KCNA2: variants seen among roughly 807,000 people sequenced by gnomAD.
KCNA2 encodes the protein potassium voltage-gated channel subfamily A member 2.
A neutral mutation model predicts 33.4 loss-of-function variants in KCNA2; 11 were observed. That is an observed-to-expected ratio of 0.33 (90% CI 0.21 to 0.55). The LOEUF is 0.55. Among genes scored for constraint, KCNA2 ranks in the 20% least tolerant of loss-of-function variants. KCNA2 has a pLI of 0.93. For synonymous variants in KCNA2, 222 were observed against 231.3 expected, an observed-to-expected ratio of 0.96 and a Z score of 0.37; for missense variants, 291 against 621.6, an observed-to-expected ratio of 0.47 and a Z score of 5.66.
intron 1 of KCNA2, among the ~76,000 whole-genome samples, chr1:110,620,083 AGAGAGTGAGT>A (rs1397558043): frequency 3.9e-4 from 55 of 142,110 alleles, no homozygotes; most frequent in African/African-American, 1.5e-3. Context: ...AGAGAGAGAG[AGAGAGTGAGT>A]GAGAGAGAGA....
At position 110,603,877 on chromosome 1, in the gene KCNA2, A is replaced by G. The variant is rs764822052; in HGVS notation, c.906T>C (p.Phe302=). 14 of 1,614,056 alleles carry G rather than the reference A, an allele frequency of 8.7e-6. No homozygotes were observed. Among genetic ancestry groups the G allele is most frequent in the Non-Finnish European group, 1.1e-5 (13 of 1,180,030 alleles). The change falls in exon 3 of 3, where the codon TTT becomes TTC. Residue 302 remains phenylalanine, a synonymous_variant. Coordinates refer to ENST00000316361, the MANE Select transcript of KCNA2 (RefSeq NM_004974.4). This position sits in a 1 kb window ranked among gnomAD's most constrained non-coding sequence, Gnocchi z 5.7. The part of the protein sequence containing the change: ...ILRVIRLVRV[F]RIFKLSRHSK... ...AGTGTCTGGACAACTTGAAAATCCT[A>G]AAGACTCTTACCAACCGGATGACAC...
Position 110,597,107 on chromosome 1 carries a change from C to A in KCNA2, c.*6176G>T, listed in dbSNP as rs567128485. The A allele has an allele frequency of 6.9e-5, 68 of 985,462 alleles. No individual in the cohort carries two copies. In the South Asian group the frequency reaches 2.6e-3, roughly 37 times the overall value. The allele number at this position is 985,462 out of a possible 1,614,324, so 61.0% of individuals were successfully genotyped here. On this transcript the variant is annotated 3_prime_UTR_variant, in exon 3 of 3. Transcript: ENST00000316361. The stretch of plus-strand genomic sequence containing the variant: ...AACCTGCTTCCTTCTGCAGCTCTCA[C>A]GGAGTCCCTTTGGTTGAGCAAGTCA...
rs1217872352 is a variant in KCNA2 at position 110,602,832 on chromosome 1, C to T, written c.*451G>A. On this transcript the variant is annotated 3_prime_UTR_variant, in exon 3 of 3. Transcript: ENST00000316361. ...CTTTTCAATGCAAAAATGAGTATGA[C>T]CTTTTGAACAAACACCAGCTATTTA... The T allele has an allele frequency of 1.3e-5, 13 of 1,000,138 alleles. No individual in the cohort carries two copies. The highest frequency in any genetic ancestry group is 1.5e-5 in the Non-Finnish European group (13 of 839,974). 62.0% of individuals were successfully genotyped at this position (1,000,138 alleles called of 1,614,324 possible).
At chr1:110,631,256 C>G (rs996610974) in intron 1 of KCNA2, 1 of 152,436 alleles carries the variant, frequency 6.6e-6, no homozygotes, top group Non-Finnish European at 1.5e-5. Context: ...GTCTCCCCAT[C>G]GCAGCTCGCC....
In KCNA2 at chr1:110,603,738, C is replaced by A; in HGVS notation, c.1045G>T (p.Ala349Ser). The A allele has an allele frequency of 6.2e-7, 1 of 1,613,966 alleles. No homozygotes were observed. Among genetic ancestry groups the A allele is most frequent in the Non-Finnish European group, 8.5e-7 (1 of 1,180,040 alleles). ...TGGGACTCTCGCTCATCGGCCTCTG[C>A]AAAATACACAGCACTAGAGAAAAGG... ...VILFSSAVYF[A>S]EADERESQFP... Residue 349 changes from alanine (A) to serine (S), a missense_variant, in exon 3 of 3, where the codon GCA (alanine) becomes TCA (serine). Physicochemically the swap from Ala to Ser is moderately conservative, Grantham distance 99. Transcript: ENST00000316361. This position sits in a 1 kb window ranked among gnomAD's most constrained non-coding sequence, Gnocchi z 5.7.
At chr1:110,614,111 C>T (rs1302942238) in intron 1 of KCNA2, among the ~76,000 whole-genome samples, 1 of 152,234 alleles carries the variant, frequency 6.6e-6, no homozygotes, top group African/African-American at 2.4e-5. Context: ...CTCCCCTCCC[C>T]TGCACCTTGC....
In KCNA2 at chr1:110,603,243, A is replaced by G. The variant is rs762978200; in HGVS notation, c.*40T>C. On this transcript the variant is annotated 3_prime_UTR_variant, in exon 3 of 3. Transcript: ENST00000316361. This position sits in a 1 kb window ranked among gnomAD's most constrained non-coding sequence, Gnocchi z 5.7. Reference sequence around the variant, plus strand: ...ATGCAGGCTATTATGCAACATCTGCATTAGTTCCATTGAGCTGTGAGTACG... The same window carrying G: ...ATGCAGGCTATTATGCAACATCTGCGTTAGTTCCATTGAGCTGTGAGTACG... 1 of 1,562,388 alleles carries G rather than the reference A, an allele frequency of 6.4e-7. No individual in the cohort carries two copies. Among genetic ancestry groups the G allele is most frequent in the Non-Finnish European group, 8.7e-7 (1 of 1,155,572 alleles).
chr1:110,621,269 C>T (rs1241117677), intron 1 of KCNA2, among the ~76,000 whole-genome samples: 1 of 152,208 alleles, frequency 6.6e-6, no homozygotes, highest in East Asian at 1.9e-4. Context: ...CTTCACATGG[C>T]ATAATGCCTT....
Position 110,598,264 on chromosome 1 carries a change from G to A in KCNA2, c.*5019C>T, listed in dbSNP as rs1394814663. ...GACAATGGGCCCCAGGAAAGCTCTG[G>A]GGAGCAGAGCTCAGCACCATCATCC... is the stretch of plus-strand genomic sequence containing the variant. On this transcript the variant is annotated 3_prime_UTR_variant, in exon 3 of 3. Transcript: ENST00000316361. 3.1e-6 allele frequency: 2 copies of A among 648,126 alleles called. No homozygotes were observed. The highest frequency in any genetic ancestry group is 3.8e-6 in the Non-Finnish European group (2 of 522,110). 40.1% of individuals were successfully genotyped at this position (648,126 alleles called of 1,614,324 possible).
At chr1:110,621,849 G>T (rs2101460424) in intron 1 of KCNA2, among the ~76,000 whole-genome samples, 1 of 152,196 alleles carries the variant, frequency 6.6e-6, no homozygotes, top group South Asian at 2.1e-4. Flanking sequence ...TTTAAAACCT[G>T]CTTAGTTTTA....
Position 110,603,114 on chromosome 1 carries a change from G to T in KCNA2, c.*169C>A. 1 of 1,428,894 alleles carries T rather than the reference G, an allele frequency of 7.0e-7. No individual in the cohort carries two copies. Among genetic ancestry groups the T allele is most frequent in the South Asian group, 1.6e-5 (1 of 64,192 alleles). 88.5% of individuals were successfully genotyped at this position (1,428,894 alleles called of 1,614,324 possible). A position where few individuals can be genotyped will look rare whatever the true frequency, so the allele number is the denominator to read the frequency against. On this transcript the variant is annotated 3_prime_UTR_variant, in exon 3 of 3. Transcript: ENST00000316361. The surrounding 1 kb of genome is among the most constrained non-coding windows in gnomAD (Gnocchi z 5.7). Reference sequence around the variant, plus strand: ...GAGGATGTGCATGAAAGCCATGATAGATATTCTGTGTTCTAAATCAAAAGT... The same window carrying T: ...GAGGATGTGCATGAAAGCCATGATATATATTCTGTGTTCTAAATCAAAAGT...
Position 110,602,554 on chromosome 1 carries a change from C to T in KCNA2, c.*729G>A. On this transcript the variant is annotated 3_prime_UTR_variant, in exon 3 of 3. Transcript: ENST00000316361. ...CCTGCAAAAATGGTGAAATCAGAGG[C>T]TTAGAGGTCTGTTGGTTTGTTAGCT... is the stretch of plus-strand genomic sequence containing the variant. 9.5e-7 allele frequency: 1 copy of T among 1,049,580 alleles called. No individual in the cohort carries two copies. Among genetic ancestry groups the T allele is most frequent in the South Asian group, 3.7e-5 (1 of 27,086 alleles). The allele number at this position is 1,049,580 out of a possible 1,614,324, so 65.0% of individuals were successfully genotyped here.
At chr1:110,622,170 C>T (rs1428337179) in intron 1 of KCNA2, among the ~76,000 whole-genome samples, 2 of 152,042 alleles carry the variant, frequency 1.3e-5, no homozygotes. Context: ...TGGAGTTTGT[C>T]ATAGAAATTC....
chr1:110,612,168 G>A (rs1277380667), intron 1 of KCNA2, among the ~76,000 whole-genome samples: 1 of 152,180 alleles, frequency 6.6e-6, no homozygotes, highest in Non-Finnish European at 1.5e-5. Context: ...AATACTCAAA[G>A]GCAGTACAGC....
chr1:110,624,166 A>T (rs541340636), intron 1 of KCNA2, among the ~76,000 whole-genome samples: 6 of 152,382 alleles, frequency 3.9e-5, no homozygotes, highest in African/African-American at 1.4e-4. Flanking sequence ...AAATAAAAAC[A>T]TATGTCCACA....
At position 110,599,534 on chromosome 1, in the gene KCNA2, G is replaced by A. The variant is rs973659123; in HGVS notation, c.*3749C>T. On this transcript the variant is annotated 3_prime_UTR_variant, in exon 3 of 3. Transcript: ENST00000316361. Reference sequence around the variant, plus strand: ...GGGGAATCAGGAGTTGGCCCCTTTGGGCTTATGCACAAGAGCAAGTGAAAT... The same window carrying A: ...GGGGAATCAGGAGTTGGCCCCTTTGAGCTTATGCACAAGAGCAAGTGAAAT... The A allele has an allele frequency of 1.0e-6, 1 of 985,156 alleles. No homozygotes were observed. The highest frequency in any genetic ancestry group is 1.2e-6 in the Non-Finnish European group (1 of 829,934). The allele number at this position is 985,156 out of a possible 1,614,324, so 61.0% of individuals were successfully genotyped here. A position where few individuals can be genotyped will look rare whatever the true frequency, so the allele number is the denominator to read the frequency against.
rs1366378482 is a variant in KCNA2, at chr1:110,604,419, C to T, written c.364G>A (p.Ala122Thr). ...EIRFYELGEE[A>T]MEMFREDEGY... The stretch of plus-strand genomic sequence containing the variant: ...TCATCTTCCCGAAACATCTCCATCG[C>T]TTCTTCTCCCAGCTCATAAAACCGA... Residue 122 changes from alanine (A) to threonine (T), a missense_variant, in exon 3 of 3, where the codon GCG becomes ACG. By Grantham distance (58) the Ala-to-Thr change is moderately conservative. Coordinates refer to ENST00000316361, the MANE Select transcript of KCNA2 (RefSeq NM_004974.4). This position sits in a 1 kb window ranked among gnomAD's most constrained non-coding sequence, Gnocchi z 7.6. 6.2e-7 allele frequency: 1 copy of T among 1,614,206 alleles called. No individual in the cohort carries two copies. Among genetic ancestry groups the T allele is most frequent in the Non-Finnish European group, 8.5e-7 (1 of 1,180,036 alleles).
chr1:110,624,971 A>G (rs756052751), intron 1 of KCNA2, among the ~76,000 whole-genome samples: 3 of 152,220 alleles, frequency 2.0e-5, no homozygotes, highest in African/African-American at 4.8e-5. Flanking sequence ...TGGGGCTGCC[A>G]ATAGAAAAAC....
chr1:110,618,269 T>G (rs1203156095), intron 1 of KCNA2, among the ~76,000 whole-genome samples: 2 of 152,142 alleles, frequency 1.3e-5, no homozygotes, highest in Admixed American at 1.3e-4. Flanking sequence ...ATCACTTGAG[T>G]CCAAGAGTTC....
Sources: gnomAD v4.1 joint callset for allele counts (sites outside exome capture counted in the v4.1 genomes callset) on GRCh38, gnomAD v4.1.1 for gene constraint, Gnocchi (gnomAD v3.1) non-coding constraint, MANE v1.5 for transcripts, NCBI Gene and HGNC (gene_info 2026-07-23, HGNC 2026-07-21) for gene names.